The following CDK12 variants were observed in gnomAD, a reference collection of about 807,000 sequenced individuals.
The protein encoded by CDK12 is cyclin-dependent kinase 12.
CDK12 carries 17 observed loss-of-function variants against 133.8 expected under a neutral mutation model. The observed-to-expected ratio is 0.13, with a 90% CI of 0.09 to 0.19. The LOEUF (loss-of-function observed/expected upper bound fraction) is 0.19, where lower values mean the gene tolerates loss of function less well. Ranked by LOEUF, CDK12 falls within the 10% of genes least tolerant of loss-of-function variation. The pLI, the probability that CDK12 is intolerant of heterozygous loss-of-function variation, is 1.00. For synonymous variants in CDK12, 694 were observed against 683.6 expected, an observed-to-expected ratio of 1.02 and a Z score of -0.24; for missense variants, 1,508 against 1,818.7, an observed-to-expected ratio of 0.83 and a Z score of 3.11.
Position 39,461,593 on chromosome 17 carries a change from G to A in CDK12, c.-479G>A, listed in dbSNP as rs1322852183. The A allele has an allele frequency of 1.2e-5, 3 of 260,272 alleles. No homozygotes were observed. Among genetic ancestry groups the A allele is most frequent in the East Asian group, 1.1e-4 (2 of 18,402 alleles). The allele number at this position is 260,272 out of a possible 1,614,324, so 16.1% of individuals were successfully genotyped here. A position where few individuals can be genotyped will look rare whatever the true frequency, so the allele number is the denominator to read the frequency against. ...CAAGAAAGGGGGCTACCTCAGGAGC[G>A]AGGGACAAAGGGGGCGTGAGGCACC... On this transcript the variant is annotated 5_prime_UTR_variant, in exon 1 of 14. Transcript: ENST00000447079.
chr17:39,463,135 C>G lies in CDK12; in HGVS notation c.1046+18C>G. On this transcript the variant is annotated intron_variant, in intron 1 of 13. Coordinates refer to ENST00000447079, the MANE Select transcript of CDK12 (RefSeq NM_016507.4). ...CTCCCCAGGTGAGCTATTTGTCTAACAGTCCTTCCTCATTTAGGGTGGGTT... is the reference window on the plus strand; with the variant it reads ...CTCCCCAGGTGAGCTATTTGTCTAAGAGTCCTTCCTCATTTAGGGTGGGTT... 2 of 1,605,054 alleles carry G rather than the reference C, an allele frequency of 1.2e-6. No individual in the cohort carries two copies. Among genetic ancestry groups the G allele is most frequent in the Non-Finnish European group, 1.7e-6 (2 of 1,173,876 alleles).
downstream of CDK12, among the ~76,000 whole-genome samples, chr17:39,537,626 G>C (rs961885808): frequency 1.3e-5 from 2 of 148,872 alleles, no homozygotes; most frequent in Non-Finnish European, 3.0e-5. Context: ...GCAGTGGTGT[G>C]ATCTCGGCTC....
chr17:39,565,105 T>TTTTG (rs529148031), downstream of CDK12, among the ~76,000 whole-genome samples: 43 of 152,248 alleles, frequency 2.8e-4, no homozygotes, highest in South Asian at 8.9e-3. Context: ...CTCATATTTC[T>TTTTG]TTTGTTTGTT....
intron 2 of CDK12, among the ~76,000 whole-genome samples, chr17:39,489,489 G>GC (rs1217125667): frequency 7.3e-5 from 11 of 150,326 alleles, no homozygotes; most frequent in African/African-American, 4.9e-5. Flanking sequence ...ACAGGCATGA[G>GC]TACTGTGCCT....
Position 39,463,125 on chromosome 17 carries a change from A to G in CDK12, c.1046+8A>G, listed in dbSNP as rs766972384. 8.1e-6 allele frequency: 13 copies of G among 1,611,472 alleles called. No homozygotes were observed. In the African/African-American group the frequency reaches 1.6e-4, roughly 20 times the overall value. On this transcript the variant is annotated splice_region_variant and intron_variant, in intron 1 of 13. Transcript: ENST00000447079. The stretch of plus-strand genomic sequence containing the variant: ...TCGGAGTCCACTCCCCAGGTGAGCT[A>G]TTTGTCTAACAGTCCTTCCTCATTT...
At chr17:39,562,126 G>T (rs1463102605) in intron 3 of CDK12, among the ~76,000 whole-genome samples, 1 of 152,104 alleles carries the variant, frequency 6.6e-6, no homozygotes, top group Non-Finnish European at 1.5e-5. Flanking sequence ...TTTTAGTAGA[G>T]ACGGGGTTTC....
intron 10 of CDK12, among the ~76,000 whole-genome samples, chr17:39,518,796 T>C (rs1170082473): frequency 1.3e-5 from 2 of 152,022 alleles, no homozygotes; most frequent in Non-Finnish European, 2.9e-5. Context: ...TGACCTCAAG[T>C]GATCTGCCCA....
intron 1 of CDK12, among the ~76,000 whole-genome samples, chr17:39,466,254 G>A (rs901566426): frequency 6.7e-6 from 1 of 150,190 alleles, no homozygotes; most frequent in African/African-American, 2.5e-5. Context: ...GTTATAGTGA[G>A]CCAAAGTCAC....
At chr17:39,559,574 A>G (rs2056291885) in intron 3 of CDK12, among the ~76,000 whole-genome samples, 1 of 152,220 alleles carries the variant, frequency 6.6e-6, no homozygotes, top group South Asian at 2.1e-4. Flanking sequence ...ATAATGTAGT[A>G]CATAACTTTT....
chr17:39,498,574 G>T (rs147419963), intron 5 of CDK12, among the ~76,000 whole-genome samples: 124 of 152,084 alleles, frequency 8.2e-4, no homozygotes, highest in South Asian at 2.3e-3. Flanking sequence ...TTCTCACCCA[G>T]GCTAGAGTAC....
At chr17:39,463,326 A>G (rs887882020) in intron 1 of CDK12, among the ~76,000 whole-genome samples, 1 of 152,194 alleles carries the variant, frequency 6.6e-6, no homozygotes, top group Admixed American at 6.5e-5. Context: ...CGCCAAAGGT[A>G]GGTACTTCCA....
Position 39,531,219 on chromosome 17 carries a change from G to A in CDK12, c.4376G>A (p.Trp1459Ter). The stretch of plus-strand genomic sequence containing the variant: ...AGCAGCTCAGGAGCAGGCCTTCACT[G>A]GGGGGGCCCAACTCAGTCTTCTGCT... The part of the protein sequence containing the change: ...GASSSGAGLH[W>*]GGPTQSSAYG... Residue 1459 changes from tryptophan to a stop codon, truncating the protein, a stop_gained, in exon 14 of 14, where the codon TGG (tryptophan) becomes TAG (stop). Transcript: ENST00000447079. LOFTEE classifies it high-confidence loss of function. The A allele has an allele frequency of 6.6e-7, 1 of 1,514,718 alleles. No homozygotes were observed. The highest frequency in any genetic ancestry group is 2.3e-5 in the Admixed American group (1 of 43,486). The allele number at this position is 1,514,718 out of a possible 1,614,324, so 93.8% of individuals were successfully genotyped here.
In CDK12 at chr17:39,499,365, C is replaced by T. The variant is rs562315430; in HGVS notation, c.2420-1885C>T. On this transcript the variant is annotated intron_variant, in intron 5 of 13. Coordinates refer to ENST00000447079, the MANE Select transcript of CDK12 (RefSeq NM_016507.4). ...CTGGAATTACAGGTGCACGCCACCA[C>T]GTCCAGGTAATTTTTGTATTTTTAG... 2.7e-4 allele frequency among the ~76,000 whole-genome samples: 40 copies of T among 150,004 alleles called. No homozygotes were observed. In the South Asian group the frequency reaches 7.1e-3, roughly 27 times the overall value.
chr17:39,488,872 C>T (rs545531587), intron 2 of CDK12, among the ~76,000 whole-genome samples: 5 of 152,096 alleles, frequency 3.3e-5, no homozygotes, highest in African/African-American at 1.2e-4. Flanking sequence ...CACCCCAGGA[C>T]TGCCGGTTGC....
At position 39,526,180 on chromosome 17, in the gene CDK12, T is replaced by A; in HGVS notation, c.3624T>A (p.Asn1208Lys). The change falls in exon 13 of 14, where the codon AAT becomes AAA. Residue 1208 changes from asparagine (N) to lysine (K), a missense_variant. Around this residue, in one of 9 missense-constraint regions of CDK12, gnomAD observed 399 missense variants for 469.6 expected, o/e 0.85. Transcript: ENST00000447079. ...CAAGCACACCAGCTGACATGCAGAA[T>A]ATATTGGCAGTTCTCTTGAGTCAGC... ...EASSTPADMQ[N>K]ILAVLLSQLM... 6.2e-7 allele frequency: 1 copy of A among 1,614,146 alleles called. No homozygotes were observed. Among genetic ancestry groups the A allele is most frequent in the Non-Finnish European group, 8.5e-7 (1 of 1,180,032 alleles).
At chr17:39,498,469 CGCCTCG>C in intron 5 of CDK12, among the ~76,000 whole-genome samples, 1 of 152,118 alleles carries the variant, frequency 6.6e-6, no homozygotes, top group South Asian at 2.1e-4. Context: ...GTGATCCACC[CGCCTCG>C]GCCTCCCAAA....
chr17:39,485,558 G>A (rs958178318), intron 2 of CDK12, among the ~76,000 whole-genome samples: 9 of 151,888 alleles, frequency 5.9e-5, no homozygotes, highest in Admixed American at 2.0e-4. Context: ...ACTAACAGGC[G>A]GGTGCCACCA....
chr17:39,565,258 C>T (rs539953653), downstream of CDK12, among the ~76,000 whole-genome samples: 22 of 152,228 alleles, frequency 1.4e-4, no homozygotes, highest in Middle Eastern at 3.4e-3. Flanking sequence ...GAACTATAGG[C>T]GCCCGCCACC....
At chr17:39,495,173 G>T (rs1031770552) in intron 5 of CDK12, among the ~76,000 whole-genome samples, 6 of 152,024 alleles carry the variant, frequency 3.9e-5, no homozygotes, top group African/African-American at 9.7e-5. Context: ...CTGCCTCTCG[G>T]GTTTAAGTGA....
Sources: gnomAD v4.1 joint callset for allele counts (sites outside exome capture counted in the v4.1 genomes callset) on GRCh38, gnomAD v4.1.1 for gene constraint, gnomAD v4.1.1 regional missense constraint, MANE v1.5 for transcripts, NCBI Gene and HGNC (gene_info 2026-07-23, HGNC 2026-07-21) for gene names.